The following HSPG2 variants were observed in gnomAD, a reference collection of about 807,000 sequenced individuals.
The protein encoded by HSPG2 is basement membrane-specific heparan sulfate proteoglycan core protein.
A neutral mutation model predicts 526.6 loss-of-function variants in HSPG2; 278 were observed. That is an observed-to-expected ratio of 0.53 (90% CI 0.48 to 0.58). The LOEUF is 0.58. Among genes scored for constraint, HSPG2 ranks in the 20% least tolerant of loss-of-function variants. HSPG2 has a pLI of 0.00. For synonymous variants in HSPG2, 2,465 were observed against 2,555.4 expected, an observed-to-expected ratio of 0.96 and a Z score of 1.07; for missense variants, 5,354 against 6,099.5, an observed-to-expected ratio of 0.88 and a Z score of 4.07.
rs539990898 is a variant in HSPG2 at position 21,887,979 on chromosome 1, C to T, written c.662G>A (p.Arg221Gln). 4.1e-5 allele frequency: 66 copies of T among 1,614,158 alleles called. No individual in the cohort carries two copies. Among genetic ancestry groups the T allele is most frequent in the Non-Finnish European group, 3.1e-5 (37 of 1,180,038 alleles). The change falls in exon 7 of 97, where the codon CGG becomes CAG. Residue 221 changes from arginine (R) to glutamine (Q), a missense_variant. Physicochemically the swap from Arg to Gln is conservative, Grantham distance 43. Coordinates refer to ENST00000374695, the MANE Select transcript of HSPG2 (RefSeq NM_005529.7). The surrounding 1 kb of genome is among the most constrained non-coding windows in gnomAD (Gnocchi z 5.0). ...ECVALEYRCD[R>Q]RPDCRDMSDE... is the part of the protein sequence containing the mutation. Reference sequence around the variant, plus strand: ...AGACATGTCCCTGCAGTCGGGCCGCCGGTCACAGCGATACTCCAGGGCCAC... The same window carrying T: ...AGACATGTCCCTGCAGTCGGGCCGCTGGTCACAGCGATACTCCAGGGCCAC...
Position 21,842,377 on chromosome 1 carries a change from G to A in HSPG2, c.8914C>T (p.His2972Tyr), listed in dbSNP as rs1273862209. Residue 2972 changes from histidine (H) to tyrosine (Y), a missense_variant, in exon 68 of 97, where the codon CAT (histidine) becomes TAT (tyrosine). Transcript: ENST00000374695. ...AGGTGGAGCCGCAGCTGGGAGCCAT[G>A]GGTCTGTCAGAGCAGCGAGGGGACA... ...GGSLPARHQT[H>Y]GSQLRLHLVS... 1.2e-6 allele frequency: 2 copies of A among 1,605,886 alleles called. No individual in the cohort carries two copies. The highest frequency in any genetic ancestry group is 2.2e-5 in the South Asian group (2 of 90,340).
intron 30 of HSPG2, 55 bp downstream of exon 30, chr1:21,873,320 C>G: frequency 6.3e-7 from 1 of 1,589,456 alleles, no homozygotes; most frequent in Non-Finnish European, 8.6e-7. Flanking sequence ...TGTCCTAGCT[C>G]CGCCCTAGGG....
chr1:21,869,141 C>T (rs530008572), intron 33 of HSPG2, among the ~76,000 whole-genome samples: 108 of 152,268 alleles, frequency 7.1e-4, no homozygotes, highest in African/African-American at 2.5e-3. Context: ...GCTCTTTGGA[C>T]GACTTTCTTC....
At position 21,832,513 on chromosome 1, in the gene HSPG2, C is replaced by G. The variant is rs2098008948; in HGVS notation, c.11189G>C (p.Gly3730Ala). 2 of 1,614,082 alleles carry G rather than the reference C, an allele frequency of 1.2e-6. No individual in the cohort carries two copies. Among genetic ancestry groups the G allele is most frequent in the Non-Finnish European group, 1.7e-6 (2 of 1,180,016 alleles). The change falls in exon 81 of 97, where the codon GGG (glycine) becomes GCG (alanine). Residue 3730 changes from glycine to alanine, a missense_variant. By Grantham distance (60) the Gly-to-Ala change is moderately conservative (BLOSUM62 0). Coordinates refer to ENST00000374695, the MANE Select transcript of HSPG2 (RefSeq NM_005529.7). Reference protein sequence around the residue: ...QPDFISFGLVGGRPEFRFDAG... With the variant: ...QPDFISFGLVAGRPEFRFDAG... The stretch of plus-strand genomic sequence containing the variant: ...GTCTCACCGGAACTCGGGCCTTCCC[C>G]CCACGAGGCCGAAGGAGATGAAGTC...
rs1642905340 is a variant in HSPG2 at position 21,898,520 on chromosome 1, G to C, written c.64-2210C>G. Among the ~76,000 whole-genome samples, 1 of 152,208 alleles carries C rather than the reference G, an allele frequency of 6.6e-6. No individual in the cohort carries two copies. Among genetic ancestry groups the C allele is most frequent in the Non-Finnish European group, 1.5e-5 (1 of 68,036 alleles). On this transcript the variant is annotated intron_variant, in intron 1 of 96. Coordinates refer to ENST00000374695, the MANE Select transcript of HSPG2 (RefSeq NM_005529.7). This position sits in a 1 kb window ranked among gnomAD's most constrained non-coding sequence, Gnocchi z 4.0. Reference sequence around the variant, plus strand: ...CTCCTTCTCAGAGACAGTGAGTCAGGTTTTTCCATCCCAGGAGGGTGGTCT... The same window carrying C: ...CTCCTTCTCAGAGACAGTGAGTCAGCTTTTTCCATCCCAGGAGGGTGGTCT...
intron 9 of HSPG2, among the ~76,000 whole-genome samples, chr1:21,886,152 C>T (rs915401626): frequency 2.0e-5 from 3 of 152,270 alleles, no homozygotes; most frequent in African/African-American, 7.2e-5. Flanking sequence ...CCCACACTCT[C>T]AGGAGCCCAC....
chr1:21,876,502 G>A lies in HSPG2; in HGVS notation c.2826+10C>T. ...CTTGGCGGTCCTGCCCGCCCACCTT[G>A]CAGAGGTACCTGGGCACGGCTCCAT... On this transcript the variant is annotated intron_variant, in intron 22 of 96. Transcript: ENST00000374695. 1 of 1,614,150 alleles carries A rather than the reference G, an allele frequency of 6.2e-7. No homozygotes were observed. Among genetic ancestry groups the A allele is most frequent in the South Asian group, 1.1e-5 (1 of 91,076 alleles).
chr1:21,823,744 C>A (rs1330959134), intron 95 of HSPG2, 25 bp from the exon 96 acceptor site: 2 of 1,592,470 alleles, frequency 1.3e-6, no homozygotes, highest in Non-Finnish European at 1.7e-6. Flanking sequence ...GGTCAGGCCC[C>A]TTTCCACAAA....
At chr1:21,862,604 A>G (rs948809432) in intron 37 of HSPG2, among the ~76,000 whole-genome samples, 32 of 148,496 alleles carry the variant, frequency 2.2e-4, no homozygotes, top group African/African-American at 7.6e-4. Flanking sequence ...AAAAGAAAAA[A>G]GCAAAAAAAG....
Position 21,908,601 on chromosome 1 carries a change from A to C in HSPG2, c.64-12291T>G, listed in dbSNP as rs186778630. 4.5e-6 allele frequency: 3 copies of C among 667,464 alleles called. No individual in the cohort carries two copies. In the African/African-American group the frequency reaches 5.5e-5, roughly 12 times the overall value. 41.3% of individuals were successfully genotyped at this position (667,464 alleles called of 1,614,324 possible). On this transcript the variant is annotated intron_variant, in intron 1 of 96. Coordinates refer to ENST00000374695, the MANE Select transcript of HSPG2 (RefSeq NM_005529.7). ...CATAATAGGTATTTAAAAAAAAAAA[A>C]AGACCTCTGGGCTGTTAAAAAAAAA...
At chr1:21,853,164 G>A (rs1639049606) in intron 50 of HSPG2, 94 bp from the exon 51 acceptor site, 2 of 1,553,588 alleles carry the variant, frequency 1.3e-6, no homozygotes, top group East Asian at 4.5e-5. Context: ...AGGCCCTAGT[G>A]GGGACGGCCG....
intron 1 of HSPG2, among the ~76,000 whole-genome samples, chr1:21,934,412 G>A (rs550062108): frequency 1.3e-5 from 2 of 152,176 alleles, no homozygotes; most frequent in East Asian, 1.9e-4. Context: ...TCAGAGAGAG[G>A]AACTCGCCCC....
chr1:21,890,613 C>T lies in HSPG2; in HGVS notation c.326G>A (p.Arg109Gln), dbSNP rs773796176. Residue 109 changes from arginine to glutamine, a missense_variant, in exon 4 of 97, where the codon CGA becomes CAA. By Grantham distance (43) the Arg-to-Gln change is conservative (BLOSUM62 1). Coordinates refer to ENST00000374695, the MANE Select transcript of HSPG2 (RefSeq NM_005529.7). This position sits in a 1 kb window ranked among gnomAD's most constrained non-coding sequence, Gnocchi z 4.1. ...QLEDAGSREF[R>Q]EVSEAVVDTL... Reference sequence around the variant, plus strand: ...GTCTACCACAGCCTCGGACACCTCTCGGAACTCTCTGGAGCCTGCATCCTC... The same window carrying T: ...GTCTACCACAGCCTCGGACACCTCTTGGAACTCTCTGGAGCCTGCATCCTC... 13 of 1,613,728 alleles carry T rather than the reference C, an allele frequency of 8.1e-6. No homozygotes were observed. The highest frequency in any genetic ancestry group is 2.2e-5 in the East Asian group (1 of 44,888).
intron 86 of HSPG2, 56 bp downstream of exon 86, chr1:21,829,937 C>G: frequency 6.9e-7 from 1 of 1,447,272 alleles, no homozygotes; most frequent in South Asian, 1.2e-5. Context: ...AGTGCCCCAC[C>G]CAGCCTCCCC....
At chr1:21,892,718 C>T (rs1642452842) in intron 3 of HSPG2, among the ~76,000 whole-genome samples, 1 of 152,004 alleles carries the variant, frequency 6.6e-6, no homozygotes, top group African/African-American at 2.4e-5. Flanking sequence ...ATTAACCAGG[C>T]GTGGTAGTGC....
chr1:21,876,337 G>A lies in HSPG2; in HGVS notation c.2895C>T (p.Asn965=), dbSNP rs778676483. Residue 965 remains asparagine, a synonymous_variant, in exon 23 of 97, where the codon AAC becomes AAT. Coordinates refer to ENST00000374695, the MANE Select transcript of HSPG2 (RefSeq NM_005529.7). ...CGGGCGTGGGGGAGAAGATGCCCTC[G>A]TTGGTGGTGTGGGTGCTTGCGGCGT... is the stretch of plus-strand genomic sequence containing the variant. ...LTNAASTHTT[N]EGIFSPTPGE... is the part of the protein sequence containing the mutation. 8.7e-6 allele frequency: 14 copies of A among 1,613,798 alleles called. No individual in the cohort carries two copies. The highest frequency in any genetic ancestry group is 6.6e-5 in the South Asian group (6 of 90,992).
At chr1:21,862,192 A>T in intron 37 of HSPG2, 77 bp from the exon 38 acceptor site, 1 of 1,534,832 alleles carries the variant, frequency 6.5e-7, no homozygotes, top group Non-Finnish European at 8.9e-7. Context: ...CAATCCCTTG[A>T]TCTAGAAATT....
rs35863848 is a variant in HSPG2 at position 21,889,949 on chromosome 1, G to A, written c.574+32C>T. 22,813 of 1,612,962 alleles carry A rather than the reference G, an allele frequency of 0.014. 215 individuals are homozygous for A. Among genetic ancestry groups the A allele is most frequent in the South Asian group, 0.02 (1,779 of 91,066 alleles). On this transcript the variant is annotated intron_variant, in intron 6 of 96. Coordinates refer to ENST00000374695, the MANE Select transcript of HSPG2 (RefSeq NM_005529.7). ...TGAAAGGGGACCCCACGAGTCTGGA[G>A]GAGGCGATCCCAGACACCAGGATAG...
chr1:21,916,670 C>T (rs377005845), intron 1 of HSPG2, among the ~76,000 whole-genome samples: 3 of 143,232 alleles, frequency 2.1e-5, no homozygotes, highest in African/African-American at 7.7e-5. Context: ...CCAGCCCAGG[C>T]GACAGTGCGA....
Sources: allele counts gnomAD v4.1 joint callset (sites outside exome capture counted in the v4.1 genomes callset), GRCh38; gene constraint gnomAD v4.1.1; non-coding constraint Gnocchi (gnomAD v3.1); transcripts MANE v1.5; gene names NCBI Gene and HGNC (gene_info 2026-07-23, HGNC 2026-07-21).